CEP128: variants seen among roughly 807,000 people sequenced by gnomAD.
The protein encoded by CEP128 is centrosomal protein 128, also known as centrosomal protein 128kDa.
In CEP128, 132 loss-of-function variants were observed where a neutral mutation model predicts 156.7. The ratio of observed to expected loss-of-function variants is 0.84; its 90% confidence interval spans 0.73 to 0.97. The LOEUF is 0.97. Among genes scored for constraint, CEP128 ranks in the 50% least tolerant of loss-of-function variants. The pLI, the probability that CEP128 is intolerant of heterozygous loss-of-function variation, is 0.00. For missense variants in CEP128, 1,252 were observed against 1,281.9 expected (o/e 0.98, Z 0.36); for synonymous variants, 469 against 448.9 (o/e 1.04, Z -0.57).
intron 2 of CEP128, among the ~76,000 whole-genome samples, chr14:80,953,901 G>A (rs920175030): frequency 2.0e-5 from 3 of 152,104 alleles, no homozygotes. Context: ...GTAATATTTT[G>A]AGTTTGGCTT....
intron 8 of CEP128, among the ~76,000 whole-genome samples, chr14:80,890,199 T>C (rs992442806): frequency 6.6e-6 from 1 of 152,152 alleles, no homozygotes; most frequent in Admixed American, 6.6e-5. Context: ...TAGTTCAACC[T>C]TTGTGGAAGA....
chr14:80,520,021 T>C (rs1005257113), intron 23 of CEP128, among the ~76,000 whole-genome samples: 10 of 152,338 alleles, frequency 6.6e-5, no homozygotes, highest in East Asian at 1.9e-4. Flanking sequence ...TAACATTTTA[T>C]GATTCTAATC....
intron 13 of CEP128, among the ~76,000 whole-genome samples, chr14:80,828,807 T>C (rs900887474): frequency 3.9e-5 from 6 of 152,328 alleles, no homozygotes; most frequent in African/African-American, 1.2e-4. Flanking sequence ...TGTTACTATA[T>C]ATATGTTCTT....
intron 19 of CEP128, among the ~76,000 whole-genome samples, chr14:80,625,725 C>A (rs1893685408): frequency 1.3e-5 from 2 of 151,604 alleles, no homozygotes; most frequent in African/African-American, 2.4e-5. Flanking sequence ...CCTTCCCCTT[C>A]CCCTTTTCCT....
At chr14:80,740,449 T>TACACACACACACACACAC (rs58752743) in intron 19 of CEP128, among the ~76,000 whole-genome samples, 2 of 146,090 alleles carry the variant, frequency 1.4e-5, no homozygotes, top group African/African-American at 2.5e-5. Context: ...TATATACACA[T>TACACACACACACACACAC]ACACACACAC....
chr14:80,857,819 GA>G (rs1887278571), intron 9 of CEP128, among the ~76,000 whole-genome samples: 1 of 150,098 alleles, frequency 6.7e-6, no homozygotes, highest in African/African-American at 2.4e-5. Flanking sequence ...TACAATTTAA[GA>G]AAGATAATAT....
At chr14:80,597,032 A>T (rs1892360167) in intron 19 of CEP128, among the ~76,000 whole-genome samples, 1 of 151,606 alleles carries the variant, frequency 6.6e-6, no homozygotes, top group Non-Finnish European at 1.5e-5. Flanking sequence ...ACAAAAAACC[A>T]GCAAGCAGAA....
chr14:80,492,513 G>A (rs1165213286), downstream of CEP128, among the ~76,000 whole-genome samples: 1 of 152,122 alleles, frequency 6.6e-6, no homozygotes, highest in East Asian at 1.9e-4. Context: ...ACTGAGGAGA[G>A]GACTGGATAC....
At chr14:80,772,201 T>C (rs1900546503) in intron 16 of CEP128, among the ~76,000 whole-genome samples, 1 of 152,150 alleles carries the variant, frequency 6.6e-6, no homozygotes, top group Admixed American at 6.5e-5. Flanking sequence ...AGTTGCCTTT[T>C]GGCCCACCCA....
chr14:80,777,292 TA>T (rs1309272407), intron 16 of CEP128, among the ~76,000 whole-genome samples: 1 of 152,118 alleles, frequency 6.6e-6, no homozygotes, highest in Admixed American at 6.5e-5. Flanking sequence ...TTAATGCCCT[TA>T]TAAAAGAGAC....
intron 15 of CEP128, 79 bp from the exon 16 acceptor site, chr14:80,778,125 G>A: frequency 8.4e-7 from 1 of 1,188,972 alleles, no homozygotes; most frequent in Non-Finnish European, 1.2e-6. Context: ...TATTTTATCA[G>A]TGGAAAAACA....
chr14:80,784,294 AAAGAC>A (rs1357724183), intron 15 of CEP128, among the ~76,000 whole-genome samples: 4 of 152,082 alleles, frequency 2.6e-5, no homozygotes, highest in African/African-American at 7.2e-5. Context: ...AAAAAAAAAA[AAAGAC>A]AGGAAGAGGA....
intron 2 of CEP128, chr14:80,955,937 A>C: frequency 6.6e-7 from 1 of 1,522,520 alleles, no homozygotes; most frequent in Non-Finnish European, 9.1e-7. Context: ...CAGCTCAATA[A>C]CAGCCCGAAG....
At chr14:80,900,204 T>G (rs1883466284) in intron 6 of CEP128, among the ~76,000 whole-genome samples, 175 bp from the exon 7 acceptor site, 1 of 152,188 alleles carries the variant, frequency 6.6e-6, no homozygotes, top group Non-Finnish European at 1.5e-5. Context: ...AAAACAAATT[T>G]TTAAAAGCTG....
intron 20 of CEP128, among the ~76,000 whole-genome samples, chr14:80,562,644 GCTTTT>G (rs1305947975): frequency 1.4e-5 from 2 of 141,372 alleles, no homozygotes; most frequent in East Asian, 4.2e-4. Context: ...CAACAGTGTA[GCTTTT>G]CTTTTCTTTT....
intron 19 of CEP128, among the ~76,000 whole-genome samples, chr14:80,608,080 G>A (rs1467562682): frequency 6.6e-6 from 1 of 152,170 alleles, no homozygotes; most frequent in Non-Finnish European, 1.5e-5. Flanking sequence ...CTTCATTTAT[G>A]TATCTGCTCA....
At chr14:80,551,006 A>G (rs538304648) in intron 21 of CEP128, among the ~76,000 whole-genome samples, 2 of 152,268 alleles carry the variant, frequency 1.3e-5, no homozygotes, top group African/African-American at 4.8e-5. Flanking sequence ...TCTTGTTCAC[A>G]TAAAAAGTAC....
intron 13 of CEP128, among the ~76,000 whole-genome samples, chr14:80,811,352 C>T (rs574293519): frequency 1.8e-4 from 28 of 152,226 alleles, no homozygotes; most frequent in African/African-American, 6.7e-4. Context: ...TGAGGAATTG[C>T]CACTCTGTCT....
intron 19 of CEP128, among the ~76,000 whole-genome samples, chr14:80,647,766 C>G (rs1414064606): frequency 6.6e-6 from 1 of 152,014 alleles, no homozygotes; most frequent in South Asian, 2.1e-4. Context: ...CTCAAAATAT[C>G]AATGGTGCTG....
Sources: allele counts gnomAD v4.1 joint callset (sites outside exome capture counted in the v4.1 genomes callset), GRCh38; gene constraint gnomAD v4.1.1; transcripts MANE v1.5; gene names NCBI Gene and HGNC (gene_info 2026-07-23, HGNC 2026-07-21).